The following CYP19A1 variants were observed in gnomAD, a reference collection of about 807,000 sequenced individuals.
The protein encoded by CYP19A1 is cytochrome P450 family 19 subfamily A member 1, also known as aromatase.
A neutral mutation model predicts 44.4 loss-of-function variants in CYP19A1; 32 were observed. The observed-to-expected ratio is 0.72, with a 90% confidence interval of 0.54 to 0.97. CYP19A1 has a LOEUF of 0.97. Among genes scored for constraint, CYP19A1 ranks in the 50% least tolerant of loss-of-function variants. CYP19A1 has a pLI of 0.00. For synonymous variants in CYP19A1, 212 were observed against 215.6 expected (o/e 0.98, Z 0.14); for missense variants, 598 against 637.8 (o/e 0.94, Z 0.67).
At chr15:51,277,060 TAAA>T (rs2035338529) in intron 1 of CYP19A1, 1 of 151,692 alleles carries the variant, frequency 6.6e-6, no homozygotes, top group African/African-American at 2.4e-5. Context: ...AAAAAAGAAA[TAAA>T]GAAAGAAAAA....
At chr15:51,316,621 G>A (rs2036430410) in intron 1 of CYP19A1, among the ~76,000 whole-genome samples, 1 of 151,284 alleles carries the variant, frequency 6.6e-6, no homozygotes, top group African/African-American at 2.4e-5. Context: ...GCTCACCCCT[G>A]TAATCCCAAC....
chr15:51,221,251 A>AT (rs2032051672), intron 5 of CYP19A1: 1 of 152,202 alleles, frequency 6.6e-6, no homozygotes, highest in Admixed American at 6.5e-5. Flanking sequence ...AGACACCTGA[A>AT]TGGGCTTGTG....
intron 1 of CYP19A1, among the ~76,000 whole-genome samples, chr15:51,318,232 T>A (rs116433123): frequency 0.047 from 7,072 of 152,028 alleles, 551 homozygotes; most frequent in African/African-American, 0.16. Context: ...AAAAAAAATT[T>A]ACAGGTGAAT....
intron 1 of CYP19A1, among the ~76,000 whole-genome samples, chr15:51,306,534 A>T (rs565642168): frequency 8.5e-5 from 13 of 152,160 alleles, no homozygotes; most frequent in Admixed American, 3.3e-4. Flanking sequence ...CAAATAGCTT[A>T]AAAAAAACCC....
At position 51,215,972 on chromosome 15, in the gene CYP19A1, A is replaced by G. The variant is rs573516799; in HGVS notation, c.744-155T>C. The G allele has an allele frequency of 4.4e-5, 61 of 1,396,154 alleles. No individual in the cohort carries two copies. The East Asian group carries it at 1.5e-3, about 34-fold the overall frequency. The allele number at this position is 1,396,154 out of a possible 1,614,324, so 86.5% of individuals were successfully genotyped here. A position where few individuals can be genotyped will look rare whatever the true frequency, so the allele number is the denominator to read the frequency against. ...ATTACTATTTTATTTCTTCATAAATACCCTTAAATTACATAGACCCTACAC... is the reference window on the plus strand; with the variant it reads ...ATTACTATTTTATTTCTTCATAAATGCCCTTAAATTACATAGACCCTACAC... On this transcript the variant is annotated intron_variant, in intron 6 of 9. Coordinates refer to ENST00000396402, the MANE Select transcript of CYP19A1 (RefSeq NM_000103.4).
chr15:51,282,789 AAAGG>A (rs1391811053), intron 1 of CYP19A1, among the ~76,000 whole-genome samples: 1 of 152,248 alleles, frequency 6.6e-6, no homozygotes, highest in Non-Finnish European at 1.5e-5. Context: ...AAGGATGACT[AAAGG>A]AAGCTTGGTG....
Position 51,209,950 on chromosome 15 carries a change from G to A in CYP19A1, c.*858C>T, listed in dbSNP as rs555261840. 38 of 190,630 alleles carry A rather than the reference G, an allele frequency of 2.0e-4. No homozygotes were observed. The highest frequency in any genetic ancestry group is 3.7e-4 in the Non-Finnish European group (34 of 92,812). The allele number at this position is 190,630 out of a possible 1,614,324, so 11.8% of individuals were successfully genotyped here. A position where few individuals can be genotyped will look rare whatever the true frequency, so the allele number is the denominator to read the frequency against. On this transcript the variant is annotated 3_prime_UTR_variant, in exon 10 of 10. Transcript: ENST00000396402. ...TCTCTTGGTTAGCCACACTAATTGA[G>A]CTAAGCAAAAATGGGAACATGCCAA...
At chr15:51,251,062 C>T (rs962694820) in intron 1 of CYP19A1, among the ~76,000 whole-genome samples, 17 of 152,296 alleles carry the variant, frequency 1.1e-4, no homozygotes, top group African/African-American at 4.1e-4. Context: ...GAGACCTGTT[C>T]ACTTCCCAGG....
intron 1 of CYP19A1, among the ~76,000 whole-genome samples, chr15:51,283,654 TC>T: frequency 6.6e-6 from 1 of 152,238 alleles, no homozygotes; most frequent in Middle Eastern, 3.4e-3. Context: ...GAAAAGGAAA[TC>T]AAAAGGCAAG....
intron 1 of CYP19A1, chr15:51,279,724 T>C (rs1200590824): frequency 2.0e-5 from 3 of 152,134 alleles, no homozygotes; most frequent in Non-Finnish European, 4.4e-5. Context: ...AAAGGGCTAA[T>C]AGGGAATTAA....
rs185883912 is a variant in CYP19A1 at position 51,252,532 on chromosome 15, C to T, written c.-38-9582G>A. 1.2e-3 allele frequency among the ~76,000 whole-genome samples: 190 copies of T among 152,284 alleles called. 1 individual carries two copies. The highest frequency in any genetic ancestry group is 2.2e-3 in the Non-Finnish European group (152 of 68,018). On this transcript the variant is annotated intron_variant, in intron 1 of 9. Coordinates refer to ENST00000396402, the MANE Select transcript of CYP19A1 (RefSeq NM_000103.4). Reference sequence around the variant, plus strand: ...GTTGATAATGGGGTGTTACATTTTTCGGTCCACAGAATCAGTGAGAAACGT... The same window carrying T: ...GTTGATAATGGGGTGTTACATTTTTTGGTCCACAGAATCAGTGAGAAACGT...
At chr15:51,280,666 C>T (rs1240752010) in intron 1 of CYP19A1, among the ~76,000 whole-genome samples, 1 of 152,218 alleles carries the variant, frequency 6.6e-6, no homozygotes, top group Non-Finnish European at 1.5e-5. Flanking sequence ...CCACTGCCCT[C>T]ACTCAGTGTG....
chr15:51,333,183 G>A (rs1347588228), intron 1 of CYP19A1, among the ~76,000 whole-genome samples: 2 of 152,184 alleles, frequency 1.3e-5, no homozygotes, highest in Non-Finnish European at 2.9e-5. Context: ...TCTTCTAAGA[G>A]CATTGCTGTG....
At chr15:51,253,549 GC>G (rs1266434363) in intron 1 of CYP19A1, among the ~76,000 whole-genome samples, 1 of 152,108 alleles carries the variant, frequency 6.6e-6, no homozygotes, top group Non-Finnish European at 1.5e-5. Context: ...TGCCTCCAGT[GC>G]CCCTTCCCAC....
intron 1 of CYP19A1, among the ~76,000 whole-genome samples, chr15:51,305,250 C>A (rs1463520684): frequency 2.0e-5 from 3 of 152,136 alleles, no homozygotes; most frequent in Admixed American, 6.5e-5. Context: ...CAATTCTTCA[C>A]TGCATTAAGG....
chr15:51,262,831 T>C (rs2034780323), intron 1 of CYP19A1, among the ~76,000 whole-genome samples: 1 of 152,148 alleles, frequency 6.6e-6, no homozygotes, highest in Non-Finnish European at 1.5e-5. Flanking sequence ...GGGTAGGAAT[T>C]GACATTGAAG....
At chr15:51,271,559 C>G (rs900287559) in intron 1 of CYP19A1, among the ~76,000 whole-genome samples, 1 of 152,216 alleles carries the variant, frequency 6.6e-6, no homozygotes, top group African/African-American at 2.4e-5. Context: ...TGTTGACAAA[C>G]TAGCTCCACC....
chr15:51,315,672 A>G (rs549101198), intron 1 of CYP19A1, among the ~76,000 whole-genome samples: 2 of 152,290 alleles, frequency 1.3e-5, no homozygotes, highest in South Asian at 2.1e-4. Flanking sequence ...CCAGGCCCTC[A>G]AGGGCAGTGA....
chr15:51,226,186 T>G lies in CYP19A1; in HGVS notation c.451+1593A>C, dbSNP rs2032561397. On this transcript the variant is annotated intron_variant, in intron 4 of 9. Transcript: ENST00000396402. ...GATGACAGAAGGTGGGTCAGAGAGA[T>G]GTAATGTGCAAAGGACTCAACCCAC... is the stretch of plus-strand genomic sequence containing the variant. 3.4e-5 allele frequency among the ~76,000 whole-genome samples: 5 copies of G among 145,996 alleles called. No homozygotes were observed. In the South Asian group the frequency reaches 1.1e-3, roughly 32 times the overall value.
Sources: gnomAD v4.1 joint callset for allele counts (sites outside exome capture counted in the v4.1 genomes callset) on GRCh38, gnomAD v4.1.1 for gene constraint, MANE v1.5 for transcripts, NCBI Gene and HGNC (gene_info 2026-07-23, HGNC 2026-07-21) for gene names.